The following ABHD2 variants were observed in gnomAD, a reference collection of about 807,000 sequenced individuals.
The protein encoded by ABHD2 is abhydrolase domain containing 2, acylglycerol lipase, also known as monoacylglycerol lipase ABHD2.
A neutral mutation model predicts 48.1 loss-of-function variants in ABHD2; 20 were observed. That is an observed-to-expected ratio of 0.42 (90% CI 0.29 to 0.60). The LOEUF (loss-of-function observed/expected upper bound fraction) is 0.60. Ranked by LOEUF, ABHD2 falls within the 20% of genes least tolerant of loss-of-function variation. The pLI is 0.24. For missense variants in ABHD2, 405 were observed against 550.9 expected (o/e 0.74, Z 2.65); for synonymous variants, 209 against 214.2 (o/e 0.98, Z 0.21).
the ABHD2 span, among the ~76,000 whole-genome samples, chr15:89,044,507 T>A: frequency 1.3e-5 from 2 of 152,058 alleles, no homozygotes; most frequent in Non-Finnish European, 1.5e-5. Context: ...TGAACTAGTT[T>A]ACAGTCCCAC....
the ABHD2 span, among the ~76,000 whole-genome samples, chr15:89,073,822 C>G: frequency 6.6e-6 from 1 of 152,164 alleles, no homozygotes; most frequent in Non-Finnish European, 1.5e-5. Flanking sequence ...GGGTCTCAAA[C>G]TTGAACCACC....
At position 89,184,666 on chromosome 15, in the gene ABHD2, C is replaced by T. The variant is rs531937299; in HGVS notation, c.723-758C>T. 6.6e-4 allele frequency among the ~76,000 whole-genome samples: 101 copies of T among 152,312 alleles called. No individual in the cohort carries two copies. Among genetic ancestry groups the T allele is most frequent in the African/African-American group, 2.3e-3 (96 of 41,566 alleles). ...CAGGGCTGGTGGTGCTGTCTCCTCC[C>T]TCTGCATGTGCTGCTGGCAGAACCT... On this transcript the variant is annotated intron_variant, in intron 6 of 10. Coordinates refer to ENST00000352732, the MANE Select transcript of ABHD2 (RefSeq NM_152924.5). The surrounding 1 kb of genome is among the most constrained non-coding windows in gnomAD (Gnocchi z 5.1).
At chr15:89,181,308 T>G (rs2051111218) in intron 6 of ABHD2, among the ~76,000 whole-genome samples, 2 of 151,508 alleles carry the variant, frequency 1.3e-5, no homozygotes, top group Non-Finnish European at 2.9e-5. Context: ...AATATGACTG[T>G]ATATAGGCAA....
Position 89,191,601 on chromosome 15 carries a change from G to C in ABHD2, c.996+452G>C, listed in dbSNP as rs372975069. ...AAAACTGATGTGTTTCTGTATCAAA[G>C]TAATGATGAGCATGTCTATTTTTTT... On this transcript the variant is annotated intron_variant, in intron 9 of 10. Transcript: ENST00000352732. Among the ~76,000 whole-genome samples the C allele has an allele frequency of 2.6e-5, 4 of 151,138 alleles. No individual in the cohort carries two copies. The East Asian group carries it at 5.8e-4, about 22-fold the overall frequency.
chr15:89,110,200 C>CA (rs1190909072), intron 1 of ABHD2, among the ~76,000 whole-genome samples: 1 of 152,208 alleles, frequency 6.6e-6, no homozygotes, highest in East Asian at 1.9e-4. Flanking sequence ...CCTGGGATTA[C>CA]AGGCACGTGC....
intron 3 of ABHD2, among the ~76,000 whole-genome samples, chr15:89,133,110 G>A (rs1405705010): frequency 6.6e-6 from 1 of 152,144 alleles, no homozygotes; most frequent in Non-Finnish European, 1.5e-5. Flanking sequence ...TTATCAGCCA[G>A]TAGAACCTAT....
In ABHD2 at chr15:89,146,503, G is replaced by T. The variant is rs964255012; in HGVS notation, c.195-5174G>T. On this transcript the variant is annotated intron_variant, in intron 3 of 10. Coordinates refer to ENST00000352732, the MANE Select transcript of ABHD2 (RefSeq NM_152924.5). The surrounding 1 kb of genome is among the most constrained non-coding windows in gnomAD (Gnocchi z 4.2). Reference sequence around the variant, plus strand: ...ATGTCGATTATAAATAGGCTCAGAAGATAAGGACAGGCTGGCCTCTATATT... The same window carrying T: ...ATGTCGATTATAAATAGGCTCAGAATATAAGGACAGGCTGGCCTCTATATT... Among the ~76,000 whole-genome samples the T allele has an allele frequency of 3.3e-5, 5 of 151,932 alleles. No homozygotes were observed. The highest frequency in any genetic ancestry group is 2.6e-4 in the Admixed American group (4 of 15,244).
intron 5 of ABHD2, among the ~76,000 whole-genome samples, chr15:89,158,539 C>T (rs1388547577): frequency 6.6e-6 from 1 of 152,208 alleles, no homozygotes; most frequent in Non-Finnish European, 1.5e-5. Flanking sequence ...GGATCCGATG[C>T]CCCAGCACTG....
chr15:89,048,321 T>C, the ABHD2 span, among the ~76,000 whole-genome samples: 444 of 152,338 alleles, frequency 2.9e-3, 2 homozygotes, highest in Non-Finnish European at 4.5e-3. Flanking sequence ...TCTCTCTGGC[T>C]GCCCTTAACA....
chr15:89,062,182 G>T, the ABHD2 span, among the ~76,000 whole-genome samples: 1 of 152,178 alleles, frequency 6.6e-6, no homozygotes. Flanking sequence ...AGGAAAGCTG[G>T]CTAGGGTCCT....
chr15:89,055,255 A>G, the ABHD2 span, among the ~76,000 whole-genome samples: 2 of 151,848 alleles, frequency 1.3e-5, no homozygotes, highest in African/African-American at 4.8e-5. Flanking sequence ...CCAGTTTTAA[A>G]GTGTCTATCT....
chr15:89,156,105 T>A (rs957478373), intron 5 of ABHD2, among the ~76,000 whole-genome samples: 25 of 148,552 alleles, frequency 1.7e-4, no homozygotes, highest in African/African-American at 5.9e-4. Context: ...TAGTAATTAA[T>A]TTTTATTGTC....
At chr15:89,135,776 A>G (rs1217310564) in intron 3 of ABHD2, 1 of 873,338 alleles carries the variant, frequency 1.1e-6, no homozygotes, top group Non-Finnish European at 1.9e-6. Flanking sequence ...GTTATTCCAC[A>G]TCTCTCCCAG....
chr15:89,089,114 C>G (rs539143546), intron 1 of ABHD2, among the ~76,000 whole-genome samples: 3 of 152,372 alleles, frequency 2.0e-5, no homozygotes, highest in African/African-American at 7.2e-5. Context: ...CTAGGCCCTT[C>G]GTGAGCTTTT....
chr15:89,125,634 G>A (rs77552078), intron 3 of ABHD2, among the ~76,000 whole-genome samples: 6,248 of 152,184 alleles, frequency 0.041, 422 homozygotes, highest in African/African-American at 0.14. Context: ...CTGGGGCATG[G>A]GACTGTCAGT....
At chr15:89,067,406 G>A in the ABHD2 span, among the ~76,000 whole-genome samples, 1 of 152,148 alleles carries the variant, frequency 6.6e-6, no homozygotes, top group East Asian at 1.9e-4. Flanking sequence ...TAATAGCCTG[G>A]GAGTGCTAGA....
the ABHD2 span, among the ~76,000 whole-genome samples, chr15:89,051,248 G>T: frequency 6.6e-6 from 1 of 152,080 alleles, no homozygotes; most frequent in South Asian, 2.1e-4. Context: ...ATAATAATAA[G>T]TATGCTAGAA....
intron 5 of ABHD2, among the ~76,000 whole-genome samples, chr15:89,156,982 A>T (rs1298011081): frequency 6.6e-6 from 1 of 152,186 alleles, no homozygotes; most frequent in Non-Finnish European, 1.5e-5. Context: ...TTCTGTCTTT[A>T]TCAATGTCTA....
intron 4 of ABHD2, among the ~76,000 whole-genome samples, chr15:89,154,474 A>G (rs545967617): frequency 2.6e-5 from 4 of 152,314 alleles, no homozygotes; most frequent in Non-Finnish European, 5.9e-5. Context: ...CAAGGTACTA[A>G]CAGTATACAG....
Sources: gnomAD v4.1 joint callset for allele counts (sites outside exome capture counted in the v4.1 genomes callset) on GRCh38, gnomAD v4.1.1 for gene constraint, Gnocchi (gnomAD v3.1) non-coding constraint, MANE v1.5 for transcripts, NCBI Gene and HGNC (gene_info 2026-07-23, HGNC 2026-07-21) for gene names.